WWOX: variants seen among roughly 807,000 people sequenced by gnomAD.
WWOX encodes WW domain-containing oxidoreductase.
WWOX carries 69 observed loss-of-function variants against 46.2 expected under a neutral mutation model. That is an observed-to-expected ratio of 1.49 (90% confidence interval 1.23 to 1.82). WWOX has a LOEUF of 1.82. Ranked by LOEUF, WWOX falls within the 40% of genes most tolerant of loss-of-function variation. The pLI is 0.00. For synonymous variants in WWOX, 359 were observed against 202.6 expected, an observed-to-expected ratio of 1.77 and a Z score of -6.56; for missense variants, 919 against 542.6, an observed-to-expected ratio of 1.69 and a Z score of -6.89.
At chr16:78,331,139 G>A (rs1197745584) in intron 5 of WWOX, among the ~76,000 whole-genome samples, 1 of 152,028 alleles carries the variant, frequency 6.6e-6, no homozygotes, top group South Asian at 2.1e-4. Context: ...GAATATGTTC[G>A]ATTGAGGTTT....
At chr16:78,165,562 G>T (rs1404110013) in intron 5 of WWOX, among the ~76,000 whole-genome samples, 2 of 152,160 alleles carry the variant, frequency 1.3e-5, no homozygotes, top group Non-Finnish European at 1.5e-5. Context: ...AATGGCAGGT[G>T]CAGAGGCCCT....
intron 8 of WWOX, among the ~76,000 whole-genome samples, chr16:78,562,032 G>C (rs1275225945): frequency 6.6e-6 from 1 of 152,214 alleles, no homozygotes; most frequent in African/African-American, 2.4e-5. Flanking sequence ...GGCAAATGGA[G>C]TCTTTGTTTT....
At chr16:78,704,128 G>A (rs938603098) in intron 8 of WWOX, among the ~76,000 whole-genome samples, 2 of 151,778 alleles carry the variant, frequency 1.3e-5, no homozygotes, top group East Asian at 3.9e-4. Context: ...AAAGGGGCAG[G>A]CTGTGATTTT....
intron 8 of WWOX, among the ~76,000 whole-genome samples, chr16:78,480,420 G>A (rs576239162): frequency 3.1e-4 from 47 of 152,236 alleles, no homozygotes; most frequent in Non-Finnish European, 6.6e-4. Context: ...ACATTTATTG[G>A]GTGGCAGGTA....
chr16:78,455,317 T>G (rs1247237082), intron 8 of WWOX, among the ~76,000 whole-genome samples: 1 of 151,994 alleles, frequency 6.6e-6, no homozygotes, highest in East Asian at 1.9e-4. Context: ...ACCTCAGTAA[T>G]GAAGATAAAT....
At chr16:78,345,526 C>G (rs1257184229) in intron 5 of WWOX, among the ~76,000 whole-genome samples, 1 of 72,762 alleles carries the variant, frequency 1.4e-5, no homozygotes, top group East Asian at 2.4e-4. Context: ...CACCTGTAGT[C>G]CCATCTACTC....
At chr16:78,384,522 T>G (rs775245901) in intron 5 of WWOX, among the ~76,000 whole-genome samples, 13 of 152,210 alleles carry the variant, frequency 8.5e-5, no homozygotes, top group Non-Finnish European at 1.5e-4. Flanking sequence ...TCACGGGGTG[T>G]GACTTCACCA....
At chr16:79,163,878 G>C (rs1166806649) in intron 8 of WWOX, among the ~76,000 whole-genome samples, 3 of 111,170 alleles carry the variant, frequency 2.7e-5, no homozygotes, top group African/African-American at 1.2e-4. Flanking sequence ...GTAAGGAAGA[G>C]AATTGGAAAA....
intron 8 of WWOX, among the ~76,000 whole-genome samples, chr16:79,023,639 G>A (rs1356945092): frequency 3.3e-5 from 5 of 152,224 alleles, no homozygotes; most frequent in South Asian, 4.2e-4. Flanking sequence ...CAAACATTAC[G>A]CTGGACGTGG....
At chr16:78,351,114 A>G (rs997440104) in intron 5 of WWOX, among the ~76,000 whole-genome samples, 9 of 152,134 alleles carry the variant, frequency 5.9e-5, no homozygotes, top group African/African-American at 1.7e-4. Flanking sequence ...ATCAGGTCAC[A>G]CCTGTAATCA....
chr16:78,309,436 G>T (rs1190516544), intron 5 of WWOX, among the ~76,000 whole-genome samples: 1 of 152,134 alleles, frequency 6.6e-6, no homozygotes, highest in Non-Finnish European at 1.5e-5. Flanking sequence ...GTAGCAATGT[G>T]AGAATGGGCT....
chr16:78,754,844 C>T (rs1402525486), intron 8 of WWOX, among the ~76,000 whole-genome samples: 1 of 152,166 alleles, frequency 6.6e-6, no homozygotes, highest in Non-Finnish European at 1.5e-5. Flanking sequence ...TGTACTACCT[C>T]AGCTGGTGGG....
chr16:79,085,923 A>C (rs1278844198), intron 8 of WWOX, among the ~76,000 whole-genome samples: 1 of 152,020 alleles, frequency 6.6e-6, no homozygotes, highest in African/African-American at 2.4e-5. Context: ...TTGGTGGTAC[A>C]TGCCTGTAGT....
At chr16:78,752,008 T>TAAG (rs60242226) in intron 8 of WWOX, among the ~76,000 whole-genome samples, 118,777 of 151,778 alleles carry the variant, frequency 0.78, 46,808 homozygotes, top group South Asian at 0.82. Flanking sequence ...TTTCTTTAAA[T>TAAG]AAGGAGGAGG....
intron 8 of WWOX, among the ~76,000 whole-genome samples, chr16:79,191,036 CT>C (rs1433336431): frequency 1.3e-5 from 2 of 151,996 alleles, no homozygotes; most frequent in East Asian, 1.9e-4. Context: ...AGCATGACTT[CT>C]TTTTTTTGTT....
chr16:78,302,409 A>T (rs1026630299), intron 5 of WWOX, among the ~76,000 whole-genome samples: 2 of 152,216 alleles, frequency 1.3e-5, no homozygotes, highest in Non-Finnish European at 2.9e-5. Context: ...GTCTTGCCCC[A>T]GCCCAGAGAC....
intron 5 of WWOX, among the ~76,000 whole-genome samples, chr16:78,385,859 G>C (rs75208541): frequency 0.027 from 4,099 of 152,264 alleles, 335 homozygotes; most frequent in East Asian, 0.19. Context: ...TCCTTTCAAG[G>C]AGCTAGGTCT....
At position 78,109,622 on chromosome 16, in the gene WWOX, C is replaced by T. The variant is rs2032368331; in HGVS notation, c.173-156C>T. 2.7e-5 allele frequency among the ~76,000 whole-genome samples: 4 copies of T among 146,998 alleles called. No individual in the cohort carries two copies. In the Admixed American group the frequency reaches 2.8e-4, roughly 10 times the overall value. On this transcript the variant is annotated intron_variant, in intron 2 of 8. Coordinates refer to ENST00000566780, the MANE Select transcript of WWOX (RefSeq NM_016373.4). ...GATCAGGGGCCTTCTGCAGCTGTCG[C>T]AGTTGGAACATGTGACGAAAGCCAG...
At chr16:78,535,484 T>C (rs552426341) in intron 8 of WWOX, 1 of 152,358 alleles carries the variant, frequency 6.6e-6, no homozygotes, top group South Asian at 2.1e-4. Flanking sequence ...TGCAGCCCTT[T>C]GGCGCCTTCC....
Sources: gnomAD v4.1 joint callset for allele counts (sites outside exome capture counted in the v4.1 genomes callset) on GRCh38, gnomAD v4.1.1 for gene constraint, MANE v1.5 for transcripts, NCBI Gene and HGNC (gene_info 2026-07-23, HGNC 2026-07-21) for gene names.